Variants in ENOX1 observed in about 807,000 individuals in gnomAD.
ENOX1 encodes ecto-NOX disulfide-thiol exchanger 1.
Under a neutral mutation model 82.5 loss-of-function variants are expected in ENOX1, and 42 were observed. That is an observed-to-expected ratio of 0.51 (90% CI 0.40 to 0.66). The LOEUF is 0.66. ENOX1 is among the 30% of genes least tolerant of loss of function. The pLI, the probability that ENOX1 is intolerant of heterozygous loss-of-function variation, is 0.00. For missense variants in ENOX1, 608 were observed against 811.6 expected (o/e 0.75, Z 3.05); for synonymous variants, 271 against 282.2 (o/e 0.96, Z 0.40).
At chr13:43,447,714 T>C (rs992285256) in intron 3 of ENOX1, among the ~76,000 whole-genome samples, 3 of 152,188 alleles carry the variant, frequency 2.0e-5, no homozygotes, top group East Asian at 3.8e-4. Flanking sequence ...GAGACCTTCA[T>C]AGCTGCCATA....
At chr13:43,311,013 G>A (rs944618015) in intron 11 of ENOX1, among the ~76,000 whole-genome samples, 15 of 151,928 alleles carry the variant, frequency 9.9e-5, no homozygotes, top group African/African-American at 3.6e-4. Flanking sequence ...AACATACAGA[G>A]TGTCTGATAT....
chr13:43,580,225 C>T (rs2080649176), intron 2 of ENOX1, among the ~76,000 whole-genome samples: 1 of 152,144 alleles, frequency 6.6e-6, no homozygotes, highest in African/African-American at 2.4e-5. Context: ...TGACATTCTA[C>T]TTTAATATTT....
chr13:43,619,335 G>A (rs970109796), intron 2 of ENOX1, among the ~76,000 whole-genome samples: 1 of 151,926 alleles, frequency 6.6e-6, no homozygotes, highest in African/African-American at 2.4e-5. Flanking sequence ...CAGATTCTCA[G>A]AGAGAATGCT....
At chr13:43,602,144 CAAAG>C (rs2081751962) in intron 2 of ENOX1, among the ~76,000 whole-genome samples, 1 of 151,650 alleles carries the variant, frequency 6.6e-6, no homozygotes, top group Non-Finnish European at 1.5e-5. Flanking sequence ...AGCATAAGAG[CAAAG>C]AAAGATCCCA....
chr13:43,616,148 A>ATATATC (rs2082431771), intron 2 of ENOX1, among the ~76,000 whole-genome samples: 6 of 49,444 alleles, frequency 1.2e-4, no homozygotes, highest in South Asian at 6.4e-4. Context: ...CTAGATATCT[A>ATATATC]TATAGATAGA....
At chr13:43,740,169 G>A (rs996127796) in intron 1 of ENOX1, among the ~76,000 whole-genome samples, 8 of 152,200 alleles carry the variant, frequency 5.3e-5, no homozygotes, top group African/African-American at 1.2e-4. Context: ...TTAGAAGAGC[G>A]ACATTTCTGA....
At chr13:43,322,739 T>A (rs2153527521) in intron 10 of ENOX1, among the ~76,000 whole-genome samples, 1 of 152,284 alleles carries the variant, frequency 6.6e-6, no homozygotes, top group East Asian at 1.9e-4. Context: ...AATAATTTAA[T>A]CTCTCTTGAG....
intron 3 of ENOX1, among the ~76,000 whole-genome samples, chr13:43,477,836 T>C (rs1167188116): frequency 6.6e-6 from 1 of 152,168 alleles, no homozygotes; most frequent in Non-Finnish European, 1.5e-5. Context: ...CTTACAAGTG[T>C]TGATTAGCTG....
chr13:43,451,553 G>A (rs1185757422), intron 3 of ENOX1, among the ~76,000 whole-genome samples: 1 of 152,168 alleles, frequency 6.6e-6, no homozygotes. Flanking sequence ...AATAAATGGT[G>A]TTTATTAATA....
Position 43,265,450 on chromosome 13 carries a change from T to C in ENOX1, c.1559A>G (p.Lys520Arg), listed in dbSNP as rs2044318518. The stretch of plus-strand genomic sequence containing the variant: ...GGTCTCGACCAATTCCTTGGTACCT[T>C]TTAACTGCAAATTTTAAGGAAAAAC... ...ALLKVLQEQL[K>R]GTKELVETNG... The change falls in exon 14 of 17, where the codon AAA becomes AGA. Residue 520 changes from lysine to arginine, a missense_variant. Coordinates refer to ENST00000690772, the MANE Select transcript of ENOX1 (RefSeq NM_001347969.2). The C allele has an allele frequency of 3.7e-6, 6 of 1,611,804 alleles. No individual in the cohort carries two copies. The South Asian group carries it at 5.5e-5, about 15-fold the overall frequency.
intron 1 of ENOX1, among the ~76,000 whole-genome samples, chr13:43,783,261 C>G (rs549149601): frequency 6.6e-6 from 1 of 152,292 alleles, no homozygotes; most frequent in Admixed American, 6.5e-5. Context: ...ATATTATACA[C>G]AATGCATCTA....
intron 8 of ENOX1, among the ~76,000 whole-genome samples, chr13:43,346,750 C>A (rs570759547): frequency 2.0e-5 from 3 of 152,308 alleles, no homozygotes; most frequent in African/African-American, 7.2e-5. Context: ...CCACTGCAAC[C>A]GTTACTGGCA....
chr13:43,286,024 A>G (rs1304512741), intron 12 of ENOX1, among the ~76,000 whole-genome samples: 1 of 152,094 alleles, frequency 6.6e-6, no homozygotes, highest in African/African-American at 2.4e-5. Flanking sequence ...AAGACCCCCA[A>G]CTGCGGCCGG....
chr13:43,285,124 A>T (rs2045619141), intron 12 of ENOX1, among the ~76,000 whole-genome samples: 1 of 152,322 alleles, frequency 6.6e-6, no homozygotes, highest in Non-Finnish European at 1.5e-5. Context: ...GTTTCCCTTG[A>T]TGACTATTCA....
At chr13:43,439,462 A>G (rs1325915981) in intron 3 of ENOX1, among the ~76,000 whole-genome samples, 1 of 151,982 alleles carries the variant, frequency 6.6e-6, no homozygotes, top group Non-Finnish European at 1.5e-5. Flanking sequence ...AGCCTCGCAA[A>G]GTGCTGGGAT....
intron 14 of ENOX1, among the ~76,000 whole-genome samples, chr13:43,250,297 G>A (rs1419381315): frequency 1.3e-5 from 2 of 152,132 alleles, no homozygotes; most frequent in African/African-American, 4.8e-5. Context: ...CCCACCCCAA[G>A]TCTGTTCCTT....
chr13:43,345,972 C>T (rs1273126661), intron 8 of ENOX1, among the ~76,000 whole-genome samples: 2 of 152,204 alleles, frequency 1.3e-5, no homozygotes, highest in Non-Finnish European at 1.5e-5. Context: ...AACATACATA[C>T]ACTCCACATG....
chr13:43,505,503 T>C (rs2077122172), intron 2 of ENOX1, among the ~76,000 whole-genome samples: 1 of 151,994 alleles, frequency 6.6e-6, no homozygotes, highest in African/African-American at 2.4e-5. Flanking sequence ...GACAGACATT[T>C]GAAGAAAGTT....
At chr13:43,428,103 G>A (rs2055432832) in intron 3 of ENOX1, among the ~76,000 whole-genome samples, 1 of 152,164 alleles carries the variant, frequency 6.6e-6, no homozygotes, top group Admixed American at 6.5e-5. Flanking sequence ...ACCCCAGTCA[G>A]CCTTCTCAAA....
Sources: gnomAD v4.1 joint callset for allele counts (sites outside exome capture counted in the v4.1 genomes callset) on GRCh38, gnomAD v4.1.1 for gene constraint, MANE v1.5 for transcripts, NCBI Gene and HGNC (gene_info 2026-07-23, HGNC 2026-07-21) for gene names.